The following CCDC170 variants were observed in gnomAD, a reference collection of about 807,000 sequenced individuals.
The protein encoded by CCDC170 is coiled-coil domain containing 170.
CCDC170 carries 69 observed loss-of-function variants against 72.6 expected under a neutral mutation model. The ratio of observed to expected loss-of-function variants is 0.95; its 90% CI spans 0.78 to 1.16. The LOEUF (loss-of-function observed/expected upper bound fraction) is 1.16. Ranked by LOEUF, CCDC170 falls within the 50% of genes most tolerant of loss-of-function variation. The pLI, the probability that CCDC170 is intolerant of heterozygous loss-of-function variation, is 0.00. For missense variants in CCDC170, 852 were observed against 832.5 expected, an observed-to-expected ratio of 1.02 and a Z score of -0.29; for synonymous variants, 300 against 303.9, an observed-to-expected ratio of 0.99 and a Z score of 0.13.
intron 7 of CCDC170, among the ~76,000 whole-genome samples, chr6:151,587,707 G>A (rs1014895388): frequency 5.9e-5 from 9 of 152,178 alleles, no homozygotes; most frequent in African/African-American, 1.9e-4. Flanking sequence ...AGATCGGGGC[G>A]TAATAGTACA....
intron 1 of CCDC170, among the ~76,000 whole-genome samples, chr6:151,535,488 G>A (rs114423416): frequency 0.014 from 2,111 of 152,292 alleles, 54 homozygotes; most frequent in African/African-American, 0.048. Flanking sequence ...AGTATAAAAG[G>A]CATAGTGAAT....
At chr6:151,581,370 A>G (rs1473500611) in intron 6 of CCDC170, among the ~76,000 whole-genome samples, 1 of 152,318 alleles carries the variant, frequency 6.6e-6, no homozygotes, top group Admixed American at 6.5e-5. Context: ...AGTAAATTTC[A>G]TCTCAATAAT....
intron 10 of CCDC170, among the ~76,000 whole-genome samples, chr6:151,616,671 A>G (rs1209681145): frequency 5.3e-5 from 8 of 152,160 alleles, no homozygotes; most frequent in Non-Finnish European, 7.3e-5. Flanking sequence ...CTGCTGTAAC[A>G]AAGTACCATC....
At chr6:151,602,732 C>T (rs7741541) in intron 9 of CCDC170, among the ~76,000 whole-genome samples, 5,985 of 152,078 alleles carry the variant, frequency 0.039, 389 homozygotes, top group African/African-American at 0.14. Context: ...GAGGTCTCCC[C>T]GGCGATGCAG....
Position 151,615,538 on chromosome 6 carries a change from G to A in CCDC170, c.1806G>A (p.Met602Ile). The change falls in exon 10 of 11, where the codon ATG (methionine) becomes ATA (isoleucine). Residue 602 changes from methionine (M) to isoleucine (I), a missense_variant. Coordinates refer to ENST00000239374, the MANE Select transcript of CCDC170 (RefSeq NM_025059.4). ...KMKEKAEKKL[M>I]SVKSELDTTE... Reference sequence around the variant, plus strand: ...AGGAGAAAGCTGAGAAAAAGCTCATGTCTGTCAAGTCAGAACTGGATACCA... The same window carrying A: ...AGGAGAAAGCTGAGAAAAAGCTCATATCTGTCAAGTCAGAACTGGATACCA... The A allele has an allele frequency of 6.2e-7, 1 of 1,614,080 alleles. No homozygotes were observed. Among genetic ancestry groups the A allele is most frequent in the Non-Finnish European group, 8.5e-7 (1 of 1,179,952 alleles).
chr6:151,609,746 G>T (rs889028608), intron 9 of CCDC170, among the ~76,000 whole-genome samples: 2 of 152,200 alleles, frequency 1.3e-5, no homozygotes, highest in Non-Finnish European at 2.9e-5. Flanking sequence ...ATCTGTTGCT[G>T]GGTTTGAGGC....
chr6:151,557,448 C>T (rs976763824), intron 5 of CCDC170, among the ~76,000 whole-genome samples: 1 of 151,940 alleles, frequency 6.6e-6, no homozygotes, highest in Non-Finnish European at 1.5e-5. Context: ...TTGGTGGACA[C>T]TTCGGTTGAT....
At position 151,536,317 on chromosome 6, in the gene CCDC170, G is replaced by A; in HGVS notation, c.58-1G>A. 1.9e-6 allele frequency: 3 copies of A among 1,613,166 alleles called. No individual in the cohort carries two copies. The highest frequency in any genetic ancestry group is 2.5e-6 in the Non-Finnish European group (3 of 1,179,174). ...TTTGTATTTTGGGGGAATTCTACCA[G>A]GAAACTTACGATCATCTTTCGGAAG... On this transcript the variant is annotated splice_acceptor_variant, in intron 1 of 10. Transcript: ENST00000239374. LOFTEE classifies it high-confidence loss of function.
chr6:151,548,553 T>C (rs117246786), intron 5 of CCDC170, 64 bp downstream of exon 5: 1 of 1,398,360 alleles, frequency 7.2e-7, no homozygotes, highest in Non-Finnish European at 9.5e-7. Context: ...ATGGAAGAGA[T>C]GGATGTCAGA....
chr6:151,512,365 G>T (rs1782162777), intron 1 of CCDC170, among the ~76,000 whole-genome samples: 1 of 151,886 alleles, frequency 6.6e-6, no homozygotes, highest in Non-Finnish European at 1.5e-5. Flanking sequence ...TCACCATGTT[G>T]GCCAGCCTGG....
intron 5 of CCDC170, among the ~76,000 whole-genome samples, chr6:151,554,126 A>T (rs1782933517): frequency 6.6e-6 from 1 of 152,218 alleles, no homozygotes; most frequent in Non-Finnish European, 1.5e-5. Context: ...ATATTGAAGT[A>T]TGTCTTAAAA....
chr6:151,582,179 C>T (rs1487201907), intron 6 of CCDC170, among the ~76,000 whole-genome samples: 1 of 152,220 alleles, frequency 6.6e-6, no homozygotes, highest in Non-Finnish European at 1.5e-5. Context: ...GCAACCTCTT[C>T]CCATAGAAGG....
chr6:151,606,501 A>G (rs1776786695), intron 9 of CCDC170, among the ~76,000 whole-genome samples: 1 of 152,156 alleles, frequency 6.6e-6, no homozygotes, highest in Non-Finnish European at 1.5e-5. Context: ...TATGATTTCT[A>G]TTTTAAAAAA....
At chr6:151,511,399 C>G (rs1297830058) in intron 1 of CCDC170, among the ~76,000 whole-genome samples, 7 of 152,140 alleles carry the variant, frequency 4.6e-5, no homozygotes, top group Non-Finnish European at 2.9e-5. Context: ...AGAAGCCTTT[C>G]TGTTTGTCTA....
At position 151,528,045 on chromosome 6, in the gene CCDC170, C is replaced by T. The variant is rs143720162; in HGVS notation, c.58-8273C>T. 1.5e-3 allele frequency among the ~76,000 whole-genome samples: 221 copies of T among 152,202 alleles called. 1 individual carries two copies. The highest frequency in any genetic ancestry group is 5.1e-3 in the African/African-American group (211 of 41,532). On this transcript the variant is annotated intron_variant, in intron 1 of 10. Transcript: ENST00000239374. ...GCTTTATGCCATTGAGCTTTGAAAC[C>T]ACCCTTTATTCTGAAAAGACTGTGA... is the stretch of plus-strand genomic sequence containing the variant.
At chr6:151,504,205 G>A (rs1315142753) in intron 1 of CCDC170, among the ~76,000 whole-genome samples, 1 of 152,130 alleles carries the variant, frequency 6.6e-6, no homozygotes, top group African/African-American at 2.4e-5. Flanking sequence ...TACATCAAAT[G>A]TAGCACAATG....
At position 151,516,517 on chromosome 6, in the gene CCDC170, C is replaced by T. The variant is rs146524576; in HGVS notation, c.58-19801C>T. On this transcript the variant is annotated intron_variant, in intron 1 of 10. Coordinates refer to ENST00000239374, the MANE Select transcript of CCDC170 (RefSeq NM_025059.4). The stretch of plus-strand genomic sequence containing the variant: ...GAGGTCCTAGTAAATCATGTTGAAG[C>T]GGTGTTGTTGTCTAGGGTAAATACC... Among the ~76,000 whole-genome samples the T allele has an allele frequency of 5.9e-5, 9 of 152,112 alleles. No individual in the cohort carries two copies. The East Asian group carries it at 9.7e-4, about 16-fold the overall frequency.
chr6:151,507,843 C>T (rs1782086969), intron 1 of CCDC170, among the ~76,000 whole-genome samples: 1 of 151,718 alleles, frequency 6.6e-6, no homozygotes, highest in Non-Finnish European at 1.5e-5. Context: ...ATCGCTTGAA[C>T]CAGGGAGTCG....
At chr6:151,582,418 T>G (rs1029309721) in intron 6 of CCDC170, among the ~76,000 whole-genome samples, 1 of 152,216 alleles carries the variant, frequency 6.6e-6, no homozygotes, top group African/African-American at 2.4e-5. Context: ...TTCATAGATT[T>G]AAGGAGAGTT....
Sources: allele counts gnomAD v4.1 joint callset (sites outside exome capture counted in the v4.1 genomes callset), GRCh38; gene constraint gnomAD v4.1.1; transcripts MANE v1.5; gene names NCBI Gene and HGNC (gene_info 2026-07-23, HGNC 2026-07-21).